Variants in ADAMTS12 observed in about 807,000 individuals in gnomAD.
ADAMTS12 encodes ADAM metallopeptidase with thrombospondin type 1 motif 12, also known as A disintegrin and metalloproteinase with thrombospondin motifs 12.
ADAMTS12 carries 118 observed loss-of-function variants against 167.8 expected under a neutral mutation model. The observed-to-expected ratio is 0.70, with a 90% CI of 0.61 to 0.82. The LOEUF is 0.82. Ranked by LOEUF, ADAMTS12 falls within the 40% of genes least tolerant of loss-of-function variation. The probability of loss-of-function intolerance (pLI) is 0.00; values close to 1 mark genes in which losing one functional copy is unlikely to be tolerated. For synonymous variants in ADAMTS12, 704 were observed against 716.9 expected, an observed-to-expected ratio of 0.98 and a Z score of 0.29; for missense variants, 1,916 against 1,998.8, an observed-to-expected ratio of 0.96 and a Z score of 0.79.
rs774187264 is a variant in ADAMTS12, at chr5:33,576,059, T to C, written c.3967A>G (p.Ser1323Gly). ...GSAHWIVGNW[S>G]ECSTTCGLGA... is the part of the protein sequence containing the mutation. ...AGGGGTAGGAAATGTCTTACCTCGC[T>C]CCAGTTTCCGACGATCCAGTGTGCA... The change falls in exon 19 of 24, where the codon AGC becomes GGC. Residue 1323 changes from serine (S) to glycine (G), a missense_variant. By Grantham distance (56) the Ser-to-Gly change is moderately conservative (BLOSUM62 0). Coordinates refer to ENST00000504830, the MANE Select transcript of ADAMTS12 (RefSeq NM_030955.4). 2 of 1,611,176 alleles carry C rather than the reference T, an allele frequency of 1.2e-6. No homozygotes were observed. The highest frequency in any genetic ancestry group is 3.3e-5 in the Admixed American group (2 of 59,804).
intron 2 of ADAMTS12, among the ~76,000 whole-genome samples, chr5:33,840,750 C>A (rs1748719281): frequency 6.6e-6 from 1 of 152,202 alleles, no homozygotes; most frequent in African/African-American, 2.4e-5. Flanking sequence ...CCCAGGGCCA[C>A]CCTGCAGGGA....
chr5:33,598,318 C>T lies in ADAMTS12; in HGVS notation c.2528-2258G>A, dbSNP rs373626129. On this transcript the variant is annotated intron_variant, in intron 16 of 23. Transcript: ENST00000504830. ...CCTGACATTATAGGATAGCCAAGGG[C>T]TTCTTTCTCAAGTCTGATGCTTGTG... Among the ~76,000 whole-genome samples the T allele has an allele frequency of 2.0e-5, 3 of 152,174 alleles. No individual in the cohort carries two copies. The East Asian group carries it at 5.8e-4, about 29-fold the overall frequency.
At chr5:33,646,696 A>G (rs758795019) in intron 9 of ADAMTS12, among the ~76,000 whole-genome samples, 1 of 151,452 alleles carries the variant, frequency 6.6e-6, no homozygotes, top group Non-Finnish European at 1.5e-5. Context: ...AAGGCTCACA[A>G]TAAAAGCAAA....
intron 11 of ADAMTS12, among the ~76,000 whole-genome samples, chr5:33,638,680 T>C (rs1364025981): frequency 6.6e-6 from 1 of 152,174 alleles, no homozygotes; most frequent in African/African-American, 2.4e-5. Context: ...GAATCTATCA[T>C]TCCCAAAGAT....
intron 3 of ADAMTS12, among the ~76,000 whole-genome samples, chr5:33,719,177 G>A (rs545079029): frequency 2.2e-4 from 33 of 152,302 alleles, no homozygotes; most frequent in African/African-American, 7.2e-4. Context: ...AGGTAGATGG[G>A]TTGTGCCAAT....
intron 5 of ADAMTS12, among the ~76,000 whole-genome samples, chr5:33,677,590 G>C (rs1741965012): frequency 6.6e-6 from 1 of 152,190 alleles, no homozygotes; most frequent in African/African-American, 2.4e-5. Context: ...GGGCTTAGAG[G>C]TCAAGTTTGT....
intron 13 of ADAMTS12, among the ~76,000 whole-genome samples, chr5:33,626,304 G>A (rs866621235): frequency 6.6e-6 from 1 of 151,344 alleles, no homozygotes; most frequent in East Asian, 1.9e-4. Context: ...ATGGTGCTGC[G>A]GGGTAATGGT....
intron 14 of ADAMTS12, among the ~76,000 whole-genome samples, chr5:33,623,035 C>T (rs1160334845): frequency 2.0e-5 from 3 of 152,178 alleles, no homozygotes. Flanking sequence ...AGACTGTTTG[C>T]TGTTATGATT....
chr5:33,838,504 G>C (rs1384239070), intron 2 of ADAMTS12, among the ~76,000 whole-genome samples: 2 of 152,134 alleles, frequency 1.3e-5, no homozygotes, highest in Non-Finnish European at 2.9e-5. Flanking sequence ...CCAACATAGT[G>C]TAACCCCATC....
At chr5:33,667,317 C>CAAAAA (rs5867201) in intron 5 of ADAMTS12, among the ~76,000 whole-genome samples, 3 of 78,384 alleles carry the variant, frequency 3.8e-5, no homozygotes, top group Admixed American at 1.6e-4. Flanking sequence ...GACTCTGTCT[C>CAAAAA]AAAAAAAAAA....
intron 2 of ADAMTS12, among the ~76,000 whole-genome samples, chr5:33,837,878 C>T (rs1011254892): frequency 6.6e-6 from 1 of 152,182 alleles, no homozygotes; most frequent in Non-Finnish European, 1.5e-5. Flanking sequence ...AGCAAGCCTG[C>T]CTTTCTGAAA....
intron 2 of ADAMTS12, among the ~76,000 whole-genome samples, chr5:33,766,870 T>G (rs1360707159): frequency 1.3e-5 from 2 of 152,210 alleles, no homozygotes; most frequent in Admixed American, 1.3e-4. Flanking sequence ...GGACTGCATC[T>G]GTCTTTCAGA....
intron 2 of ADAMTS12, among the ~76,000 whole-genome samples, chr5:33,763,718 T>TCCACCTTTTC (rs1412278926): frequency 1.3e-5 from 2 of 152,240 alleles, no homozygotes; most frequent in African/African-American, 4.8e-5. Context: ...AAACAAATGT[T>TCCACCTTTTC]GTAGGAAACA....
rs111660442 is a variant in ADAMTS12, at chr5:33,740,406, C to T, written c.634+10998G>A. Among the ~76,000 whole-genome samples, 420 of 152,276 alleles carry T rather than the reference C, an allele frequency of 2.8e-3. 3 individuals are homozygous for T. Among genetic ancestry groups the T allele is most frequent in the African/African-American group, 8.2e-3 (342 of 41,552 alleles). On this transcript the variant is annotated intron_variant, in intron 3 of 23. Coordinates refer to ENST00000504830, the MANE Select transcript of ADAMTS12 (RefSeq NM_030955.4). ...AGTGCAAAATAAAAATGTAGGGCTC[C>T]GGCCTGGGGCAGGGAGGTTAGTCTT...
In ADAMTS12 at chr5:33,869,778, G is replaced by C. The variant is rs147622642; in HGVS notation, c.489+11341C>G. ...GTCCCACTGGGCACACATTGTCACT[G>C]ATAAACATCAGGAAACAGGGTTTGA... is the stretch of plus-strand genomic sequence containing the variant. On this transcript the variant is annotated intron_variant, in intron 2 of 23. Coordinates refer to ENST00000504830, the MANE Select transcript of ADAMTS12 (RefSeq NM_030955.4). Among the ~76,000 whole-genome samples the C allele has an allele frequency of 5.0e-3, 765 of 152,294 alleles. 8 individuals are homozygous for C. Among genetic ancestry groups the C allele is most frequent in the African/African-American group, 0.018 (741 of 41,556 alleles).
chr5:33,628,974 G>C lies in ADAMTS12; in HGVS notation c.2022+1806C>G, dbSNP rs543261914. ...CAAGAAAGACATCCAACTTATAATG[G>C]TTCTCAATCCTGGCTACTTATTAGA... is the stretch of plus-strand genomic sequence containing the variant. On this transcript the variant is annotated intron_variant, in intron 13 of 23. Transcript: ENST00000504830. Among the ~76,000 whole-genome samples the C allele has an allele frequency of 1.4e-4, 22 of 152,202 alleles. No individual in the cohort carries two copies. In the South Asian group the frequency reaches 3.7e-3, roughly 26 times the overall value.
intron 5 of ADAMTS12, among the ~76,000 whole-genome samples, chr5:33,663,010 T>G (rs1741314789): frequency 6.6e-6 from 1 of 152,172 alleles, no homozygotes; most frequent in Admixed American, 6.5e-5. Context: ...CATTCTGTAT[T>G]TTGCTGAGGC....
intron 2 of ADAMTS12, among the ~76,000 whole-genome samples, chr5:33,808,068 C>G (rs1216349582): frequency 6.6e-6 from 1 of 152,266 alleles, no homozygotes; most frequent in East Asian, 1.9e-4. Flanking sequence ...CTTCAAAGTT[C>G]TCAAGGAAGG....
chr5:33,774,447 T>G (rs1745845640), intron 2 of ADAMTS12, among the ~76,000 whole-genome samples: 2 of 152,184 alleles, frequency 1.3e-5, no homozygotes, highest in Admixed American at 1.3e-4. Flanking sequence ...AATCAAAACT[T>G]TGAAATAATG....
Sources: gnomAD v4.1 joint callset for allele counts (sites outside exome capture counted in the v4.1 genomes callset) on GRCh38, gnomAD v4.1.1 for gene constraint, MANE v1.5 for transcripts, NCBI Gene and HGNC (gene_info 2026-07-23, HGNC 2026-07-21) for gene names.